Variants in DMD observed in about 807,000 individuals in gnomAD.
The protein encoded by DMD is mutant dystrophin.
A neutral mutation model predicts 330.1 loss-of-function variants in DMD; 63 were observed. The ratio of observed to expected loss-of-function variants is 0.19; its 90% CI spans 0.16 to 0.24. DMD has a LOEUF of 0.24. Ranked by LOEUF, DMD falls within the 10% of genes least tolerant of loss-of-function variation. DMD has a pLI of 1.00. For missense variants in DMD, 3,344 were observed against 2,684.1 expected (o/e 1.25, Z -5.43); for synonymous variants, 1,223 against 959.8 (o/e 1.27, Z -5.07).
Position 32,556,423 on chromosome X carries a change from A to G in DMD, c.1992+9279T>C, listed in dbSNP as rs185109964. On this transcript the variant is annotated intron_variant, in intron 16 of 78. Transcript: ENST00000357033. ...CAATGCGGAGATTTCTCAAAGACTTAGAGGCAGAAAAACCATTTAAGCCAG... is the reference window on the plus strand; with the variant it reads ...CAATGCGGAGATTTCTCAAAGACTTGGAGGCAGAAAAACCATTTAAGCCAG... Among the ~76,000 whole-genome samples the G allele has an allele frequency of 5.4e-5, 6 of 111,873 alleles. No individual in the cohort carries two copies. In the East Asian group the frequency reaches 1.7e-3, roughly 32 times the overall value.
intron 48 of DMD, among the ~76,000 whole-genome samples, chrX:31,863,286 T>C (rs2093742176): frequency 1.8e-5 from 2 of 112,152 alleles, no homozygotes; most frequent in Non-Finnish European, 3.8e-5. Flanking sequence ...GAGCTTGCAG[T>C]GAGCTGAGAT....
intron 6 of DMD, among the ~76,000 whole-genome samples, chrX:32,814,808 C>A (rs189452094): frequency 7.2e-5 from 8 of 111,329 alleles, no homozygotes; most frequent in Non-Finnish European, 1.3e-4. Context: ...AACATGCTTG[C>A]AGGATTGAAG....
chrX:32,348,003 T>G lies in DMD; in HGVS notation c.5448+403A>C, dbSNP rs143890230. On this transcript the variant is annotated intron_variant, in intron 38 of 78. Coordinates refer to ENST00000357033, the MANE Select transcript of DMD (RefSeq NM_004006.3). ...AATAAATAATGTTCATATTATGCAT[T>G]ATTCTCTCTTCATTGAAATAAATGT... 9.3e-3 allele frequency among the ~76,000 whole-genome samples: 1,043 copies of G among 112,074 alleles called. 12 individuals are homozygous for G. Among genetic ancestry groups the G allele is most frequent in the African/African-American group, 0.031 (962 of 30,924 alleles).
intron 9 of DMD, among the ~76,000 whole-genome samples, chrX:32,686,559 CAAAAAAAAAAAA>C (rs750534167): frequency 1.4e-4 from 4 of 28,585 alleles, no homozygotes; most frequent in African/African-American, 4.0e-4. Context: ...AACTCCATCT[CAAAAAAAAAAAA>C]AAAAAAAAAA....
intron 9 of DMD, among the ~76,000 whole-genome samples, chrX:32,692,931 A>C (rs2063387261): frequency 8.9e-6 from 1 of 112,169 alleles, no homozygotes; most frequent in Non-Finnish European, 1.9e-5. Context: ...ATCTCATTTA[A>C]CACTCCTAAT....
intron 55 of DMD, among the ~76,000 whole-genome samples, chrX:31,538,396 A>G (rs1421347534): frequency 1.8e-5 from 2 of 112,124 alleles, no homozygotes; most frequent in African/African-American, 6.5e-5. Context: ...TTCCTCCCCC[A>G]CTAAACTACA....
intron 2 of DMD, among the ~76,000 whole-genome samples, chrX:33,009,114 GTATA>G (rs2093494837): frequency 2.3e-5 from 1 of 42,755 alleles, no homozygotes; most frequent in Non-Finnish European, 4.2e-5. Flanking sequence ...ATATATATGT[GTATA>G]TATACGTATA....
At chrX:33,252,935 T>C (rs2052795390) in intron 1 of DMD, among the ~76,000 whole-genome samples, 1 of 111,879 alleles carries the variant, frequency 8.9e-6, no homozygotes, top group South Asian at 3.7e-4. Flanking sequence ...CTAAATTTTT[T>C]CTTGATTCAC....
intron 2 of DMD, among the ~76,000 whole-genome samples, chrX:32,953,089 C>G (rs1319244239): frequency 9.8e-6 from 1 of 101,609 alleles, no homozygotes; most frequent in Non-Finnish European, 2.0e-5. Context: ...GAGCAGAGAT[C>G]GCGTCACTGC....
intron 9 of DMD, among the ~76,000 whole-genome samples, chrX:32,654,999 C>A (rs1020710583): frequency 9.0e-6 from 1 of 111,447 alleles, no homozygotes; most frequent in Non-Finnish European, 1.9e-5. Context: ...GTGATATCCC[C>A]TTTATTATTT....
intron 1 of DMD, among the ~76,000 whole-genome samples, chrX:33,120,805 A>C (rs191069637): frequency 0.03 from 2,917 of 98,656 alleles, 124 homozygotes; most frequent in African/African-American, 0.1. Flanking sequence ...CGCTTGAAAC[A>C]GGGAGGCGGA....
intron 9 of DMD, among the ~76,000 whole-genome samples, chrX:32,653,400 T>G (rs888049327): frequency 4.5e-5 from 5 of 111,971 alleles, no homozygotes; most frequent in Non-Finnish European, 9.4e-5. Flanking sequence ...CCCAGCACCA[T>G]TTATTAAATA....
chrX:32,569,615 T>C (rs892507036), intron 15 of DMD, among the ~76,000 whole-genome samples: 18 of 111,756 alleles, frequency 1.6e-4, no homozygotes, highest in Admixed American at 1.4e-3. Context: ...GCATTGATCC[T>C]GTCTGAATTA....
chrX:32,199,780 T>TTTTGTGTGTGTGTG (rs1488137879), intron 44 of DMD, among the ~76,000 whole-genome samples: 1 of 84,140 alleles, frequency 1.2e-5, no homozygotes, highest in South Asian at 6.6e-4. Context: ...CGCAAGGCTT[T>TTTTGTGTGTGTGTG]TGTGTGTGTG....
At chrX:32,799,249 G>C (rs529746062) in intron 7 of DMD, among the ~76,000 whole-genome samples, 1 of 111,113 alleles carries the variant, frequency 9.0e-6, no homozygotes, top group South Asian at 3.7e-4. Context: ...CCATTCTCAG[G>C]AAGTCAAAAT....
At chrX:32,566,889 A>T (rs978964556) in intron 15 of DMD, among the ~76,000 whole-genome samples, 8 of 112,293 alleles carry the variant, frequency 7.1e-5, no homozygotes, top group Non-Finnish European at 1.1e-4. Flanking sequence ...CAGCCACTTA[A>T]CAACCCCATA....
At chrX:31,337,139 G>T (rs1349425201) in intron 61 of DMD, among the ~76,000 whole-genome samples, 1 of 109,469 alleles carries the variant, frequency 9.1e-6, no homozygotes, top group Non-Finnish European at 1.9e-5. Flanking sequence ...TGGCCAGGTT[G>T]GTCTCCAACT....
At chrX:31,735,713 G>A (rs777592755) in intron 51 of DMD, among the ~76,000 whole-genome samples, 4 of 111,846 alleles carry the variant, frequency 3.6e-5, no homozygotes, top group Admixed American at 1.9e-4. Flanking sequence ...TGCAGCTCAA[G>A]AACTGTAGGA....
At chrX:33,267,520 C>CA (rs35987440) in intron 1 of DMD, among the ~76,000 whole-genome samples, 4,817 of 104,539 alleles carry the variant, frequency 0.046, 276 homozygotes, top group African/African-American at 0.16. Context: ...CATATGCAAC[C>CA]AAAAAAAAAA....
Sources: gnomAD v4.1 joint callset for allele counts (sites outside exome capture counted in the v4.1 genomes callset) on GRCh38, gnomAD v4.1.1 for gene constraint, MANE v1.5 for transcripts, NCBI Gene and HGNC (gene_info 2026-07-23, HGNC 2026-07-21) for gene names.